The following NRG1 variants were observed in gnomAD, a reference collection of about 807,000 sequenced individuals.
NRG1 encodes the protein pro-neuregulin-1, membrane-bound isoform.
In NRG1, 18 loss-of-function variants were observed where a neutral mutation model predicts 63.8. That is an observed-to-expected ratio of 0.28 (90% CI 0.19 to 0.42). NRG1 has a LOEUF of 0.42. NRG1 is among the 10% of genes least tolerant of loss of function. The pLI, the probability that NRG1 is intolerant of heterozygous loss-of-function variation, is 1.00. For synonymous variants in NRG1, 302 were observed against 301.3 expected (o/e 1.00, Z -0.02); for missense variants, 762 against 814.7 (o/e 0.94, Z 0.79).
At chr8:31,866,433 T>C (rs1345663797) in intron 1 of NRG1, among the ~76,000 whole-genome samples, 1 of 152,116 alleles carries the variant, frequency 6.6e-6, no homozygotes, top group Non-Finnish European at 1.5e-5. Flanking sequence ...TTTATTTTTT[T>C]ACTATTAAAT....
At chr8:32,479,218 G>A (rs1824913473) in intron 1 of NRG1, among the ~76,000 whole-genome samples, 2 of 152,120 alleles carry the variant, frequency 1.3e-5, no homozygotes, top group African/African-American at 4.8e-5. Context: ...GCTCACACTG[G>A]TAATCTCAGC....
intron 1 of NRG1, among the ~76,000 whole-genome samples, chr8:31,835,439 C>G (rs1825602750): frequency 6.6e-6 from 1 of 152,028 alleles, no homozygotes; most frequent in Non-Finnish European, 1.5e-5. Flanking sequence ...AACGTTCAGC[C>G]TCATTAAATC....
intron 5 of NRG1, among the ~76,000 whole-genome samples, chr8:32,664,462 A>T (rs146596386): frequency 6.6e-6 from 1 of 152,258 alleles, no homozygotes; most frequent in Non-Finnish European, 1.5e-5. Context: ...AGACATGTTA[A>T]GTGCATGGTG....
chr8:32,698,580 A>G (rs1813996028), intron 5 of NRG1, among the ~76,000 whole-genome samples: 1 of 152,186 alleles, frequency 6.6e-6, no homozygotes, highest in Admixed American at 6.5e-5. Context: ...ATTCACGGGA[A>G]GGAAGAAAGA....
At chr8:32,705,669 T>C (rs1020869358) in intron 5 of NRG1, among the ~76,000 whole-genome samples, 1 of 152,228 alleles carries the variant, frequency 6.6e-6, no homozygotes, top group African/African-American at 2.4e-5. Flanking sequence ...TGTAGCACTT[T>C]GTGATCTGTA....
chr8:32,537,848 CTT>C (rs1166423303), intron 1 of NRG1, among the ~76,000 whole-genome samples: 1 of 152,006 alleles, frequency 6.6e-6, no homozygotes, highest in Non-Finnish European at 1.5e-5. Context: ...TTTGGTTACT[CTT>C]GTTTTCTTTT....
chr8:32,693,200 C>G (rs1812274317), intron 5 of NRG1, among the ~76,000 whole-genome samples: 1 of 150,984 alleles, frequency 6.6e-6, no homozygotes, highest in South Asian at 2.1e-4. Context: ...CATTTGTCTT[C>G]TCTATGGGTC....
At chr8:32,362,862 T>A (rs952653629) in intron 1 of NRG1, among the ~76,000 whole-genome samples, 2 of 152,154 alleles carry the variant, frequency 1.3e-5, no homozygotes. Flanking sequence ...GCACCCCACA[T>A]GTGACAGATA....
intron 1 of NRG1, among the ~76,000 whole-genome samples, chr8:31,835,847 T>G (rs990727154): frequency 2.0e-5 from 3 of 152,190 alleles, no homozygotes; most frequent in Admixed American, 6.5e-5. Context: ...TAGAACTTTT[T>G]GGGATGATGG....
At chr8:31,731,984 C>T (rs1489188642) in intron 1 of NRG1, among the ~76,000 whole-genome samples, 1 of 152,174 alleles carries the variant, frequency 6.6e-6, no homozygotes, top group Admixed American at 6.5e-5. Flanking sequence ...ATGTTAGGTG[C>T]TCAGTACATT....
chr8:31,777,365 T>A (rs61382516), intron 1 of NRG1, among the ~76,000 whole-genome samples: 1 of 152,226 alleles, frequency 6.6e-6, no homozygotes, highest in Non-Finnish European at 1.5e-5. Flanking sequence ...ATAGCTGTTG[T>A]TGGACCCAAT....
At chr8:31,766,805 T>C (rs928841883) in intron 1 of NRG1, among the ~76,000 whole-genome samples, 1 of 152,184 alleles carries the variant, frequency 6.6e-6, no homozygotes, top group Admixed American at 6.5e-5. Context: ...ATGTTTATTT[T>C]AAAAAAGGCT....
chr8:31,660,321 C>G (rs1412578800), intron 1 of NRG1, among the ~76,000 whole-genome samples: 1 of 152,102 alleles, frequency 6.6e-6, no homozygotes, highest in African/African-American at 2.4e-5. Context: ...GATTAAGCCA[C>G]CATATCTCAC....
intron 5 of NRG1, among the ~76,000 whole-genome samples, chr8:32,710,794 C>T (rs1227392667): frequency 1.3e-5 from 2 of 152,066 alleles, no homozygotes; most frequent in Admixed American, 6.6e-5. Context: ...TTTAGGAAAG[C>T]TTAATGAAAA....
chr8:32,396,833 T>A (rs1587359094), intron 1 of NRG1, among the ~76,000 whole-genome samples: 2 of 152,342 alleles, frequency 1.3e-5, no homozygotes, highest in East Asian at 1.9e-4. Context: ...TTACAGAGCT[T>A]TCTCTACTAT....
At chr8:32,171,354 T>C (rs1435794611) in intron 1 of NRG1, 1 of 152,198 alleles carries the variant, frequency 6.6e-6, no homozygotes, top group Non-Finnish European at 1.5e-5. Flanking sequence ...TTTTAAGACC[T>C]GCATGAGAGG....
chr8:31,693,103 G>C (rs1196207754), intron 1 of NRG1, among the ~76,000 whole-genome samples: 1 of 152,092 alleles, frequency 6.6e-6, no homozygotes, highest in Non-Finnish European at 1.5e-5. Flanking sequence ...CCTTGCTGCC[G>C]CTGCATGCCA....
At chr8:32,444,519 C>G (rs1403111782) in intron 1 of NRG1, among the ~76,000 whole-genome samples, 1 of 152,130 alleles carries the variant, frequency 6.6e-6, no homozygotes, top group Non-Finnish European at 1.5e-5. Flanking sequence ...ATGTTTTAAT[C>G]ACCTATTTTT....
chr8:32,241,233 T>C (rs1237695294), intron 1 of NRG1, among the ~76,000 whole-genome samples: 1 of 152,156 alleles, frequency 6.6e-6, no homozygotes, highest in Non-Finnish European at 1.5e-5. Context: ...CAGACCACAC[T>C]CTGGAAACTA....
Sources: allele counts gnomAD v4.1 joint callset (sites outside exome capture counted in the v4.1 genomes callset), GRCh38; gene constraint gnomAD v4.1.1; transcripts MANE v1.5; gene names NCBI Gene and HGNC (gene_info 2026-07-23, HGNC 2026-07-21).